HIBADH: variants seen among roughly 807,000 people sequenced by gnomAD.
HIBADH encodes the protein 3-hydroxyisobutyrate dehydrogenase, mitochondrial.
Under a neutral mutation model 36.1 loss-of-function variants are expected in HIBADH, and 25 were observed. The ratio of observed to expected loss-of-function variants is 0.69; its 90% CI spans 0.50 to 0.97. The LOEUF is 0.97. Among genes scored for constraint, HIBADH ranks in the 50% least tolerant of loss-of-function variants. The pLI, the probability that HIBADH is intolerant of heterozygous loss-of-function variation, is 0.00. For synonymous variants in HIBADH, 160 were observed against 149.5 expected, an observed-to-expected ratio of 1.07 and a Z score of -0.51; for missense variants, 421 against 418.0, an observed-to-expected ratio of 1.01 and a Z score of -0.06.
chr7:27,569,710 T>C (rs1476920135), intron 4 of HIBADH, among the ~76,000 whole-genome samples: 1 of 152,050 alleles, frequency 6.6e-6, no homozygotes, highest in Non-Finnish European at 1.5e-5. Flanking sequence ...CTAGAAAGTC[T>C]TGTACTTCCT....
At position 27,554,316 on chromosome 7, in the gene HIBADH, A is replaced by G. The variant is rs540123644; in HGVS notation, c.485-11216T>C. On this transcript the variant is annotated intron_variant, in intron 4 of 7. Coordinates refer to ENST00000265395, the MANE Select transcript of HIBADH (RefSeq NM_152740.4). ...TCATTTTTAAAAGCCAAATAAGAGG[A>G]AAAAAAAGCCAAATAGCTTGTAATC... 6.6e-5 allele frequency among the ~76,000 whole-genome samples: 10 copies of G among 152,188 alleles called. No individual in the cohort carries two copies. The South Asian group carries it at 8.3e-4, about 13-fold the overall frequency.
intron 7 of HIBADH, among the ~76,000 whole-genome samples, chr7:27,530,573 G>A (rs1174166175): frequency 6.6e-6 from 1 of 151,996 alleles, no homozygotes. Flanking sequence ...ACCCTCAACT[G>A]GGAGAAAATA....
intron 2 of HIBADH, among the ~76,000 whole-genome samples, chr7:27,637,013 C>T (rs1785852008): frequency 6.6e-6 from 1 of 152,090 alleles, no homozygotes; most frequent in African/African-American, 2.4e-5. Flanking sequence ...TCAACATATT[C>T]TGGACTCAAT....
chr7:27,527,173 T>C (rs1783915282), intron 7 of HIBADH, among the ~76,000 whole-genome samples: 2 of 151,992 alleles, frequency 1.3e-5, no homozygotes, highest in African/African-American at 4.8e-5. Flanking sequence ...AAAATCAGTC[T>C]GGTTGAGGCA....
intron 4 of HIBADH, among the ~76,000 whole-genome samples, chr7:27,578,217 ATTATT>A (rs1784741861): frequency 6.6e-6 from 1 of 152,204 alleles, no homozygotes; most frequent in Non-Finnish European, 1.5e-5. Context: ...TTGAAGATAC[ATTATT>A]TTATAAGTTC....
Position 27,662,720 on chromosome 7 carries a change from C to A in HIBADH, c.69G>T (p.Pro23=). The A allele has an allele frequency of 5.1e-6, 7 of 1,378,164 alleles. No homozygotes were observed. The highest frequency in any genetic ancestry group is 6.6e-6 in the Non-Finnish European group (7 of 1,059,764). The allele number at this position is 1,378,164 out of a possible 1,614,324, so 85.4% of individuals were successfully genotyped here. ...TACCCGCTGCAAAGCTGCCGGCTGCCGGCCGCAGCCGCCGGCTCCAGTACC... is the reference window on the plus strand; with the variant it reads ...TACCCGCTGCAAAGCTGCCGGCTGCAGGCCGCAGCCGCCGGCTCCAGTACC... The part of the protein sequence containing the change: ...GLRYWSRRLR[P]AAGSFAAVCS... The change falls in exon 1 of 8, where the codon CCG becomes CCT. Residue 23 remains proline (P), a synonymous_variant. Coordinates refer to ENST00000265395, the MANE Select transcript of HIBADH (RefSeq NM_152740.4).
intron 4 of HIBADH, among the ~76,000 whole-genome samples, chr7:27,603,437 T>C (rs886158039): frequency 1.3e-5 from 2 of 152,180 alleles, no homozygotes; most frequent in African/African-American, 2.4e-5. Context: ...AAAAAGATTT[T>C]ATGTTAGGTT....
At chr7:27,601,525 C>A (rs1271665848) in intron 4 of HIBADH, among the ~76,000 whole-genome samples, 1 of 151,842 alleles carries the variant, frequency 6.6e-6, no homozygotes, top group Admixed American at 6.6e-5. Flanking sequence ...TACTGAAATT[C>A]TCATTGATAT....
At chr7:27,541,830 T>A (rs1162387407) in intron 5 of HIBADH, 1 of 369,952 alleles carries the variant, frequency 2.7e-6, no homozygotes, top group Non-Finnish European at 5.2e-6. Flanking sequence ...ACTAAAGAGA[T>A]GAACCACTCA....
At chr7:27,652,822 C>T (rs1313920412) in intron 1 of HIBADH, among the ~76,000 whole-genome samples, 4 of 152,124 alleles carry the variant, frequency 2.6e-5, no homozygotes, top group East Asian at 1.9e-4. Flanking sequence ...CTCCTAATAT[C>T]ATTATATTGA....
intron 1 of HIBADH, among the ~76,000 whole-genome samples, chr7:27,655,862 A>G (rs528890516): frequency 1.4e-3 from 206 of 152,308 alleles, no homozygotes; most frequent in African/African-American, 4.7e-3. Context: ...TTTGATAAAA[A>G]CTACTCTTGG....
intron 4 of HIBADH, among the ~76,000 whole-genome samples, chr7:27,558,061 AAACTT>A (rs747576969): frequency 3.4e-4 from 51 of 152,152 alleles, no homozygotes; most frequent in Non-Finnish European, 6.6e-4. Context: ...TTCTGCCCAC[AAACTT>A]ATAATTCCTT....
chr7:27,620,568 T>G (rs73073106), intron 4 of HIBADH, among the ~76,000 whole-genome samples: 1 of 150,496 alleles, frequency 6.6e-6, no homozygotes, highest in African/African-American at 2.4e-5. Context: ...TGTTCACAAA[T>G]GAAGAAGAAA....
chr7:27,537,353 A>G (rs1162481560), intron 6 of HIBADH, among the ~76,000 whole-genome samples: 1 of 152,178 alleles, frequency 6.6e-6, no homozygotes, highest in Non-Finnish European at 1.5e-5. Flanking sequence ...ATAAAACAAC[A>G]GCATCTTGAT....
At chr7:27,541,649 T>C (rs1784153437) in intron 5 of HIBADH, 5 of 362,844 alleles carry the variant, frequency 1.4e-5, no homozygotes, top group Middle Eastern at 8.0e-4. Flanking sequence ...AATTCAACTT[T>C]TTCTTGTAAT....
intron 4 of HIBADH, among the ~76,000 whole-genome samples, chr7:27,548,758 C>A (rs575753598): frequency 1.3e-5 from 2 of 152,012 alleles, no homozygotes; most frequent in African/African-American, 4.8e-5. Flanking sequence ...GATGTATAAC[C>A]AGAAGAAAAT....
intron 1 of HIBADH, 118 bp downstream of exon 1, chr7:27,662,580 G>GT (rs1786446242): frequency 8.9e-6 from 5 of 558,988 alleles, no homozygotes; most frequent in Non-Finnish European, 1.4e-5. Context: ...CCAAAATATT[G>GT]TTTTTTAAGC....
intron 4 of HIBADH, among the ~76,000 whole-genome samples, chr7:27,600,432 A>G (rs904483299): frequency 2.6e-5 from 4 of 152,172 alleles, no homozygotes; most frequent in African/African-American, 9.7e-5. Flanking sequence ...ACCACAGGAA[A>G]AGAGTAAAAT....
At chr7:27,562,057 G>A (rs574493630) in intron 4 of HIBADH, among the ~76,000 whole-genome samples, 1 of 151,994 alleles carries the variant, frequency 6.6e-6, no homozygotes, top group African/African-American at 2.4e-5. Flanking sequence ...AATCCAACAT[G>A]ATAAAAATCT....
Sources: allele counts gnomAD v4.1 joint callset (sites outside exome capture counted in the v4.1 genomes callset), GRCh38; gene constraint gnomAD v4.1.1; transcripts MANE v1.5; gene names NCBI Gene and HGNC (gene_info 2026-07-23, HGNC 2026-07-21).